The following CABIN1 variants were observed in gnomAD, a reference collection of about 807,000 sequenced individuals.
The protein encoded by CABIN1 is calcineurin binding protein 1, also known as calcineurin-binding protein cabin-1.
In CABIN1, 133 loss-of-function variants were observed where a neutral mutation model predicts 227.7. The observed-to-expected ratio is 0.58, with a 90% CI of 0.51 to 0.67. The LOEUF is 0.67. CABIN1 is among the 30% of genes least tolerant of loss of function. The probability of loss-of-function intolerance (pLI) is 0.00; values close to 1 mark genes in which losing one functional copy is unlikely to be tolerated. For synonymous variants in CABIN1, 1,086 were observed against 1,155.1 expected (o/e 0.94, Z 1.21); for missense variants, 2,408 against 2,852.5 (o/e 0.84, Z 3.55).
rs955386554 is a variant in CABIN1 at position 24,175,804 on chromosome 22, G to A, written c.6041-307G>A. Reference sequence around the variant, plus strand: ...CCATCCCCTCTCACTGCCTTGTGATGGGATCTTAAGAGAGGCTGGGCCTCG... The same window carrying A: ...CCATCCCCTCTCACTGCCTTGTGATAGGATCTTAAGAGAGGCTGGGCCTCG... On this transcript the variant is annotated intron_variant, in intron 34 of 36. Coordinates refer to ENST00000263119, the MANE Select transcript of CABIN1 (RefSeq NM_012295.4). The A allele has an allele frequency of 6.0e-6, 3 of 498,870 alleles. No individual in the cohort carries two copies. The East Asian group carries it at 1.1e-4, about 18-fold the overall frequency. 30.9% of individuals were successfully genotyped at this position (498,870 alleles called of 1,614,324 possible).
intron 17 of CABIN1, 125 bp from the exon 18 acceptor site, chr22:24,072,228 TC>T: frequency 1.1e-6 from 1 of 894,146 alleles, no homozygotes; most frequent in Non-Finnish European, 1.8e-6. Flanking sequence ...AGTGCCCACA[TC>T]TGAGCAGTGG....
intron 4 of CABIN1, 139 bp from the exon 5 acceptor site, chr22:24,041,000 C>A: frequency 3.1e-6 from 3 of 953,066 alleles, no homozygotes; most frequent in Non-Finnish European, 5.0e-6. Flanking sequence ...TGGTGCAGTG[C>A]CTTCATTTTC....
intron 24 of CABIN1, among the ~76,000 whole-genome samples, chr22:24,093,429 A>G (rs191669510): frequency 2.8e-4 from 42 of 152,106 alleles, no homozygotes; most frequent in Admixed American, 7.2e-4. Context: ...AGTAGTCCCA[A>G]CTACTTGGGA....
rs1237083810 is a variant in CABIN1 at position 24,022,399 on chromosome 22, CATA to C, written c.-75+11035_-75+11037del. 7.9e-5 allele frequency among the ~76,000 whole-genome samples: 12 copies of C among 152,334 alleles called. No individual in the cohort carries two copies. In the East Asian group the frequency reaches 2.3e-3, roughly 29 times the overall value. On this transcript the variant is annotated intron_variant, in intron 1 of 36. Transcript: ENST00000263119. ...TTTGAGACTGGCTTTTCTCACTTAG[CATA>C]ATGCCTTTGAAATTCACCTCAGTTG...
chr22:24,049,189 CG>C lies in CABIN1; in HGVS notation c.627del (p.Lys210ArgfsTer19). On this transcript the variant is annotated frameshift_variant, in exon 7 of 37. Transcript: ENST00000263119. LOFTEE classifies it high-confidence loss of function. ...GATTTTTGAGGAGCAGCCTTGTCTCCGGAAGGACTCTCTCAGAATGTTCCTC... is the reference window on the plus strand; with the variant it reads ...GATTTTTGAGGAGCAGCCTTGTCTCCGAAGGACTCTCTCAGAATGTTCCTC... ...EKIFEEQPCL[R>X]KDSLRMFLKC... 6.2e-7 allele frequency: 1 copy of C among 1,614,016 alleles called. No homozygotes were observed. Among genetic ancestry groups the C allele is most frequent in the Non-Finnish European group, 8.5e-7 (1 of 1,179,974 alleles).
At chr22:24,069,938 G>A (rs1011484628) in intron 16 of CABIN1, among the ~76,000 whole-genome samples, 6 of 152,136 alleles carry the variant, frequency 3.9e-5, no homozygotes, top group Non-Finnish European at 7.3e-5. Context: ...TCACCGGGCA[G>A]CAGGTGCTTC....
At chr22:24,024,403 GT>G (rs1231733950) in intron 1 of CABIN1, among the ~76,000 whole-genome samples, 1 of 152,118 alleles carries the variant, frequency 6.6e-6, no homozygotes, top group African/African-American at 2.4e-5. Flanking sequence ...TTTTCCATAT[GT>G]TTTTTCCTAA....
chr22:24,104,758 T>A (rs1330606889), intron 26 of CABIN1, among the ~76,000 whole-genome samples: 1 of 152,242 alleles, frequency 6.6e-6, no homozygotes, highest in African/African-American at 2.4e-5. Context: ...CAGGATTGAC[T>A]GAGGCAGCTT....
intron 29 of CABIN1, among the ~76,000 whole-genome samples, chr22:24,138,460 A>AGG (rs1248701287): frequency 6.6e-6 from 1 of 152,206 alleles, no homozygotes; most frequent in Non-Finnish European, 1.5e-5. Context: ...CCACAGGTTG[A>AGG]GGGCTTAGTC....
intron 26 of CABIN1, chr22:24,102,325 C>G (rs999395471): frequency 6.6e-6 from 1 of 152,234 alleles, no homozygotes; most frequent in African/African-American, 2.4e-5. Context: ...AATCCTTGCT[C>G]TCTGCCTGTC....
chr22:24,017,429 G>A (rs374501023), intron 1 of CABIN1, among the ~76,000 whole-genome samples: 14 of 152,160 alleles, frequency 9.2e-5, no homozygotes, highest in East Asian at 7.7e-4. Flanking sequence ...ATCCATCTCC[G>A]GAACTTTTTT....
At chr22:24,097,192 A>T (rs1177205243) in intron 25 of CABIN1, among the ~76,000 whole-genome samples, 1 of 152,230 alleles carries the variant, frequency 6.6e-6, no homozygotes, top group African/African-American at 2.4e-5. Flanking sequence ...AATTTTTTTT[A>T]ATTATACAAA....
At chr22:24,106,286 G>T (rs989922584) in intron 26 of CABIN1, among the ~76,000 whole-genome samples, 2 of 152,260 alleles carry the variant, frequency 1.3e-5, no homozygotes, top group African/African-American at 2.4e-5. Context: ...TTGGCTGCAG[G>T]TCTGGTAACC....
chr22:24,093,463 AGC>A (rs554081239), intron 24 of CABIN1, among the ~76,000 whole-genome samples: 183 of 152,184 alleles, frequency 1.2e-3, no homozygotes, highest in African/African-American at 4.3e-3. Context: ...GGATCACTTG[AGC>A]CTGGGAGGTG....
chr22:24,159,573 C>T (rs1235370521), intron 29 of CABIN1, among the ~76,000 whole-genome samples: 2 of 152,232 alleles, frequency 1.3e-5, no homozygotes, highest in Non-Finnish European at 2.9e-5. Flanking sequence ...GCAGCTCCTT[C>T]ACAGCCATTC....
chr22:24,047,814 A>T (rs553306251), intron 6 of CABIN1, among the ~76,000 whole-genome samples: 17 of 152,348 alleles, frequency 1.1e-4, no homozygotes, highest in Middle Eastern at 3.4e-3. Flanking sequence ...GATAGGAGTG[A>T]CTTGCAGTCT....
intron 1 of CABIN1, among the ~76,000 whole-genome samples, chr22:24,016,442 A>T (rs1440951292): frequency 6.6e-6 from 1 of 152,214 alleles, no homozygotes; most frequent in Non-Finnish European, 1.5e-5. Context: ...GTTGCTATGA[A>T]CATTGCCTCA....
At position 24,055,034 on chromosome 22, in the gene CABIN1, A is replaced by G; in HGVS notation, c.968A>G (p.Gln323Arg). 1 of 1,614,244 alleles carries G rather than the reference A, an allele frequency of 6.2e-7. No individual in the cohort carries two copies. Among genetic ancestry groups the G allele is most frequent in the Non-Finnish European group, 8.5e-7 (1 of 1,180,042 alleles). ...SMVVTPVNVI[Q>R]PSTVSTNPAV... ...GTGGTGACGCCAGTTAACGTGATCCAGCCAAGCACTGTCAGCACCAACCCA... is the reference window on the plus strand; with the variant it reads ...GTGGTGACGCCAGTTAACGTGATCCGGCCAAGCACTGTCAGCACCAACCCA... Residue 323 changes from glutamine to arginine, a missense_variant, in exon 9 of 37, where the codon CAG becomes CGG. Gln to Arg is a conservative substitution (Grantham distance 43, BLOSUM62 1). This residue lies in a region of CABIN1 where 1,045 missense variants were observed against 1,168.4 expected (regional missense o/e 0.89). Transcript: ENST00000263119.
At chr22:24,022,216 A>G (rs1037903973) in intron 1 of CABIN1, among the ~76,000 whole-genome samples, 1 of 152,104 alleles carries the variant, frequency 6.6e-6, no homozygotes. Context: ...TACCACCACC[A>G]TCATTACCAC....
Sources: allele counts gnomAD v4.1 joint callset (sites outside exome capture counted in the v4.1 genomes callset), GRCh38; gene constraint gnomAD v4.1.1; regional missense constraint gnomAD v4.1.1; transcripts MANE v1.5; gene names NCBI Gene and HGNC (gene_info 2026-07-23, HGNC 2026-07-21).